MDM4: variants seen among roughly 807,000 people sequenced by gnomAD.
MDM4 encodes the protein MDM4 regulator of p53.
MDM4 carries 2 observed loss-of-function variants against 60.2 expected under a neutral mutation model. That is an observed-to-expected ratio of 0.03 (90% CI 0.01 to 0.10). The LOEUF is 0.10. MDM4 is among the 10% of genes least tolerant of loss of function. The pLI is 1.00. For missense variants in MDM4, 447 were observed against 577.5 expected, an observed-to-expected ratio of 0.77 and a Z score of 2.32; for synonymous variants, 202 against 198.1, an observed-to-expected ratio of 1.02 and a Z score of -0.17.
rs1663350879 is a variant in MDM4, at chr1:204,553,235, T to C, written c.*3553T>C. On this transcript the variant is annotated 3_prime_UTR_variant, in exon 11 of 11. Transcript: ENST00000367182. ...TCCTTGCCACTGCGGTACAGATTTT[T>C]TTTACTCACTGCCACTAAACTAAAG... 5.2e-6 allele frequency: 1 copy of C among 193,430 alleles called. No individual in the cohort carries two copies. Among genetic ancestry groups the C allele is most frequent in the Admixed American group, 6.1e-5 (1 of 16,362 alleles). The allele number at this position is 193,430 out of a possible 1,614,324, so 12.0% of individuals were successfully genotyped here.
intron 10 of MDM4, among the ~76,000 whole-genome samples, chr1:204,548,488 A>G (rs1429775548): frequency 2.6e-5 from 4 of 152,244 alleles, no homozygotes; most frequent in African/African-American, 9.6e-5. Flanking sequence ...TAAGCAAAGC[A>G]TTTAAAATTC....
At position 204,556,524 on chromosome 1, in the gene MDM4, C is replaced by T. The variant is rs148883362; in HGVS notation, c.*6842C>T. On this transcript the variant is annotated 3_prime_UTR_variant, in exon 11 of 11. Transcript: ENST00000367182. ...CCAGCCTGGGCAACATGGTGAAACC[C>T]TGTCTCTACCAAAAATACAAAAAAA... The T allele has an allele frequency of 2.4e-3, 499 of 211,226 alleles. 1 individual carries two copies. The highest frequency in any genetic ancestry group is 2.9e-3 in the Non-Finnish European group (306 of 104,070). The allele number at this position is 211,226 out of a possible 1,614,324, so 13.1% of individuals were successfully genotyped here. A position where few individuals can be genotyped will look rare whatever the true frequency, so the allele number is the denominator to read the frequency against.
intron 3 of MDM4, chr1:204,529,792 TG>T: frequency 3.1e-6 from 1 of 322,706 alleles, no homozygotes; most frequent in Non-Finnish European, 5.7e-6. Context: ...TCATTTAGCA[TG>T]GCAGAGTTTG....
rs191828603 is a variant in MDM4 at position 204,543,856 on chromosome 1, C to T, written c.673-679C>T. Among the ~76,000 whole-genome samples, 2 of 152,246 alleles carry T rather than the reference C, an allele frequency of 1.3e-5. 1 individual carries two copies. Among genetic ancestry groups the T allele is most frequent in the Admixed American group, 1.3e-4 (2 of 15,290 alleles). ...GTCTGTTTACCACTGAAATGTAAGG[C>T]CAGGGCTTTTGTATTATTCACTACT... On this transcript the variant is annotated intron_variant, in intron 8 of 10. Transcript: ENST00000367182.
In MDM4 at chr1:204,557,904, CTAATAA is replaced by C. The variant is rs56199911; in HGVS notation, c.*8244_*8249del. On this transcript the variant is annotated 3_prime_UTR_variant, in exon 11 of 11. Coordinates refer to ENST00000367182, the MANE Select transcript of MDM4 (RefSeq NM_002393.5). ...GTAATAATAAAACTTCAGTCTTTCG[CTAATAA>C]TAATAATAATAATAATAATAACAAC... 101 of 150,828 alleles carry C rather than the reference CTAATAA, an allele frequency of 6.7e-4. No individual in the cohort carries two copies. Among genetic ancestry groups the C allele is most frequent in the Middle Eastern group, 4.5e-3 (2 of 448 alleles). The allele number at this position is 150,828 out of a possible 1,614,324, so 9.3% of individuals were successfully genotyped here.
intron 7 of MDM4, among the ~76,000 whole-genome samples, chr1:204,539,539 G>GTTT (rs1027772704): frequency 8.1e-5 from 9 of 110,756 alleles, no homozygotes; most frequent in Non-Finnish European, 1.2e-4. Flanking sequence ...GTTTTGTTTT[G>GTTT]TTTTTTTTTT....
chr1:204,545,401 A>G (rs548499234), intron 9 of MDM4, among the ~76,000 whole-genome samples: 2 of 152,326 alleles, frequency 1.3e-5, no homozygotes, highest in African/African-American at 4.8e-5. Context: ...GTACAGATGA[A>G]GAGTCATACA....
chr1:204,529,001 G>T, intron 3 of MDM4: 5 of 1,528,474 alleles, frequency 3.3e-6, no homozygotes, highest in Non-Finnish European at 4.5e-6. Context: ...GATTGACAGA[G>T]CGTGGGCAGT....
intron 1 of MDM4, among the ~76,000 whole-genome samples, chr1:204,520,035 T>C (rs1367999853): frequency 6.6e-6 from 1 of 152,126 alleles, no homozygotes; most frequent in African/African-American, 2.4e-5. Flanking sequence ...CCCAGCACTT[T>C]GGGAGGCCGA....
intron 10 of MDM4, among the ~76,000 whole-genome samples, chr1:204,548,759 T>C (rs1406420545): frequency 6.6e-6 from 1 of 152,176 alleles, no homozygotes; most frequent in African/African-American, 2.4e-5. Context: ...TTCTTCAGCC[T>C]CTTGCCCGAT....
At position 204,530,752 on chromosome 1, in the gene MDM4, A is replaced by T. The variant is rs61749329; in HGVS notation, c.222A>T (p.Val74=). 8.3e-3 allele frequency: 13,350 copies of T among 1,614,198 alleles called. 73 individuals are homozygous for T. The highest frequency in any genetic ancestry group is 9.6e-3 in the Non-Finnish European group (11,329 of 1,180,034). Residue 74 remains valine, a synonymous_variant, in exon 4 of 11, where the codon GTA becomes GTT. Coordinates refer to ENST00000367182, the MANE Select transcript of MDM4 (RefSeq NM_002393.5). ...ATGATCAGCAGGAGCAGCATATGGT[A>T]TATTGTGGTGGAGATCTTTTGGGAG... ...QLYDQQEQHM[V]YCGGDLLGEL...
intron 10 of MDM4, among the ~76,000 whole-genome samples, chr1:204,547,270 T>C (rs927794906): frequency 2.0e-5 from 3 of 152,208 alleles, no homozygotes; most frequent in African/African-American, 4.8e-5. Flanking sequence ...AAAATAATAT[T>C]GTCATTGTTT....
Position 204,530,815 on chromosome 1 carries a change from A to G in MDM4, c.285A>G (p.Pro95=). 6.2e-7 allele frequency: 1 copy of G among 1,614,204 alleles called. No homozygotes were observed. Among genetic ancestry groups the G allele is most frequent in the South Asian group, 1.1e-5 (1 of 91,080 alleles). Residue 95 remains proline, a splice_region_variant and synonymous_variant, in exon 4 of 11, where the codon CCA becomes CCG. Transcript: ENST00000367182. The part of the protein sequence containing the change: ...LGRQSFSVKD[P]SPLYDMLRKN... ...GTCAGAGCTTCTCCGTGAAAGACCC[A>G]AGGTAAAAACAGTGAGGGCTTGCGT... is the stretch of plus-strand genomic sequence containing the variant.
chr1:204,532,688 TTTGG>T (rs1387217335), intron 5 of MDM4: 1 of 1,461,344 alleles, frequency 6.8e-7, no homozygotes, highest in Non-Finnish European at 9.4e-7. Context: ...ACACATTGCC[TTTGG>T]TTGATATGTC....
chr1:204,527,154 A>G (rs1660283095), intron 3 of MDM4, among the ~76,000 whole-genome samples: 1 of 149,966 alleles, frequency 6.7e-6, no homozygotes, highest in Admixed American at 6.7e-5. Context: ...AAATACAAAA[A>G]TTGGGCGGGC....
chr1:204,544,900 T>C (rs1662497115), intron 9 of MDM4, among the ~76,000 whole-genome samples: 1 of 152,114 alleles, frequency 6.6e-6, no homozygotes, highest in Non-Finnish European at 1.5e-5. Flanking sequence ...AGCTACTCTT[T>C]TTTCCCCTGA....
At chr1:204,532,371 A>T in intron 5 of MDM4, 125 bp downstream of exon 5, 3 of 683,252 alleles carry the variant, frequency 4.4e-6, no homozygotes, top group Non-Finnish European at 7.8e-6. Flanking sequence ...GGAGAAATAC[A>T]TACTACCTGT....
At chr1:204,518,418 C>T (rs1331727486) in intron 1 of MDM4, among the ~76,000 whole-genome samples, 1 of 152,208 alleles carries the variant, frequency 6.6e-6, no homozygotes, top group Non-Finnish European at 1.5e-5. Context: ...CGTCCCAGGT[C>T]CTGTAGAACA....
chr1:204,542,646 C>G, intron 7 of MDM4, 138 bp from the exon 8 acceptor site: 3 of 640,490 alleles, frequency 4.7e-6, no homozygotes, highest in East Asian at 3.0e-5. Context: ...AAGACAGATA[C>G]TTGATTTCTG....
Sources: gnomAD v4.1 joint callset for allele counts (sites outside exome capture counted in the v4.1 genomes callset) on GRCh38, gnomAD v4.1.1 for gene constraint, MANE v1.5 for transcripts, NCBI Gene and HGNC (gene_info 2026-07-23, HGNC 2026-07-21) for gene names.